The following LYST variants were observed in gnomAD, a reference collection of about 807,000 sequenced individuals.
The protein encoded by LYST is lysosomal trafficking regulator, also known as lysosomal-trafficking regulator.
In LYST, 192 loss-of-function variants were observed where a neutral mutation model predicts 413.6. The observed-to-expected ratio is 0.46, with a 90% CI of 0.41 to 0.52. The LOEUF is 0.52. LYST is among the 20% of genes least tolerant of loss of function. The pLI is 0.00. For synonymous variants in LYST, 1,525 were observed against 1,567.3 expected, an observed-to-expected ratio of 0.97 and a Z score of 0.64; for missense variants, 3,815 against 4,499.9, an observed-to-expected ratio of 0.85 and a Z score of 4.35.
chr1:235,716,871 T>C, intron 40 of LYST, 93 bp from the exon 41 acceptor site: 1 of 728,366 alleles, frequency 1.4e-6, no homozygotes, highest in South Asian at 1.6e-5. Context: ...AGGTAAGTGG[T>C]CAACAAAATG....
chr1:235,808,836 G>T lies in LYST; in HGVS notation c.1982C>A (p.Ala661Asp). The T allele has an allele frequency of 1.2e-6, 2 of 1,614,036 alleles. No individual in the cohort carries two copies. Among genetic ancestry groups the T allele is most frequent in the Non-Finnish European group, 1.7e-6 (2 of 1,180,006 alleles). The part of the protein sequence containing the change: ...EETLQGNLCD[A>D]ELSSSLSSPS... ...ACTGGATAAACTTGAGGAGAGTTCA[G>T]CATCACATAAGTTTCCCTGCAGTGT... is the stretch of plus-strand genomic sequence containing the variant. The change falls in exon 5 of 53, where the codon GCT (alanine) becomes GAT (aspartate). Residue 661 changes from alanine to aspartate, a missense_variant. Transcript: ENST00000389793.
chr1:235,811,295 A>G (rs1397202617), intron 4 of LYST, among the ~76,000 whole-genome samples: 7 of 152,356 alleles, frequency 4.6e-5, no homozygotes, highest in South Asian at 4.1e-4. Flanking sequence ...CTCTTCCCAT[A>G]GTACCACTAA....
chr1:235,737,309 T>C (rs975299526), intron 31 of LYST: 1 of 152,070 alleles, frequency 6.6e-6, no homozygotes, highest in Non-Finnish European at 1.5e-5. Flanking sequence ...AACCAAGATA[T>C]CAACATTAGT....
intron 1 of LYST, among the ~76,000 whole-genome samples, chr1:235,881,489 C>G (rs939191525): frequency 6.6e-6 from 1 of 152,032 alleles, no homozygotes; most frequent in Non-Finnish European, 1.5e-5. Flanking sequence ...TATCAAAGAG[C>G]GAAAGCAGGA....
At chr1:235,865,137 C>CA (rs1680358032) in intron 1 of LYST, among the ~76,000 whole-genome samples, 1 of 152,242 alleles carries the variant, frequency 6.6e-6, no homozygotes, top group African/African-American at 2.4e-5. Flanking sequence ...ACAAGCCCAG[C>CA]ACACAGGGCT....
Position 235,753,265 on chromosome 1 carries a change from C to A in LYST, c.7239G>T (p.Leu2413=), listed in dbSNP as rs948420503. 6.4e-7 allele frequency: 1 copy of A among 1,573,160 alleles called. No homozygotes were observed. Among genetic ancestry groups the A allele is most frequent in the Admixed American group, 1.7e-5 (1 of 59,934 alleles). The change falls in exon 26 of 53, where the codon CTG becomes CTT. Residue 2413 remains leucine, a synonymous_variant. Transcript: ENST00000389793. ...ACAATCCCATGTTTCTCACATCTTC[C>A]AGATCAAATCTATAATAAATAATAC... ...RHIGLDEEFD[L]EDVRNMGLFQ...
chr1:235,802,290 C>T (rs929997955), intron 8 of LYST, among the ~76,000 whole-genome samples: 8 of 150,780 alleles, frequency 5.3e-5, no homozygotes, highest in African/African-American at 2.0e-4. Flanking sequence ...TCTCTTGGCT[C>T]TAATCAACCC....
At chr1:235,807,239 C>T (rs1672946655) in intron 5 of LYST, among the ~76,000 whole-genome samples, 1 of 152,196 alleles carries the variant, frequency 6.6e-6, no homozygotes, top group Non-Finnish European at 1.5e-5. Flanking sequence ...GAAAGAATCA[C>T]ACTAGAGCTG....
chr1:235,726,605 G>A (rs1416639793), intron 38 of LYST, among the ~76,000 whole-genome samples: 1 of 151,956 alleles, frequency 6.6e-6, no homozygotes, highest in African/African-American at 2.4e-5. Context: ...AAAGTACATA[G>A]GAAAGAAGGA....
Position 235,757,401 on chromosome 1 carries a change from C to T in LYST, c.6939G>A (p.Gly2313=). The change falls in exon 24 of 53, where the codon GGG becomes GGA. Residue 2313 remains glycine, a synonymous_variant. Transcript: ENST00000389793. The part of the protein sequence containing the change: ...ICCGLYELLS[G]VLLILPDVLL... ...AAACATCAGGCAGGATAAGAAGAAC[C>T]CCACTTAGGAGTTCATATAATCCAC... The T allele has an allele frequency of 3.7e-6, 6 of 1,613,224 alleles. No individual in the cohort carries two copies. Among genetic ancestry groups the T allele is most frequent in the Non-Finnish European group, 3.4e-6 (4 of 1,179,508 alleles).
chr1:235,767,263 C>G (rs1231939383), intron 20 of LYST, among the ~76,000 whole-genome samples: 1 of 152,080 alleles, frequency 6.6e-6, no homozygotes, highest in Non-Finnish European at 1.5e-5. Flanking sequence ...ATCTCTACAT[C>G]CACTCTTCAT....
At chr1:235,803,245 G>T (rs12754276) in intron 7 of LYST, among the ~76,000 whole-genome samples, 181 bp from the exon 8 acceptor site, 76 of 152,066 alleles carry the variant, frequency 5.0e-4, no homozygotes, top group Non-Finnish European at 1.0e-3. Context: ...GATCCTTTCA[G>T]ACAACTTAAT....
chr1:235,737,959 G>GATTAAAAAA, intron 31 of LYST: 2 of 1,300,244 alleles, frequency 1.5e-6, no homozygotes, highest in South Asian at 2.3e-5. Flanking sequence ...CGCCGGACGT[G>GATTAAAAAA]CATTCTCGAT....
intron 50 of LYST, among the ~76,000 whole-genome samples, chr1:235,666,225 TACACACACACACACACACACAC>T (rs66890524): frequency 3.2e-4 from 43 of 136,012 alleles, no homozygotes; most frequent in African/African-American, 9.4e-4. Flanking sequence ...AGTATGTACA[TACACACACACACACACACACAC>T]ACACACACAC....
At chr1:235,708,047 C>T (rs986919528) in intron 44 of LYST, among the ~76,000 whole-genome samples, 4 of 152,098 alleles carry the variant, frequency 2.6e-5, no homozygotes, top group Non-Finnish European at 5.9e-5. Flanking sequence ...TAAGAATGCT[C>T]TACCTATAGT....
chr1:235,739,850 G>A (rs1163276613), intron 31 of LYST, among the ~76,000 whole-genome samples: 2 of 152,198 alleles, frequency 1.3e-5, no homozygotes, highest in Non-Finnish European at 2.9e-5. Flanking sequence ...CCTTGGTGAC[G>A]AAATGGATTG....
chr1:235,731,505 T>C (rs1261185181), intron 34 of LYST, among the ~76,000 whole-genome samples: 1 of 152,006 alleles, frequency 6.6e-6, no homozygotes, highest in Non-Finnish European at 1.5e-5. Flanking sequence ...GGATTTAATA[T>C]GGTTAGGTAA....
rs546153288 is a variant in LYST, at chr1:235,728,334, T to C, written c.9107-203A>G. On this transcript the variant is annotated intron_variant, in intron 37 of 52. Transcript: ENST00000389793. ...TTACCTCTTTGTGTCTTAATTTCTT[T>C]ATTAAAAAAAAAGGTTGCAGGGAGC... is the stretch of plus-strand genomic sequence containing the variant. 2.6e-5 allele frequency among the ~76,000 whole-genome samples: 4 copies of C among 152,134 alleles called. No individual in the cohort carries two copies. In the East Asian group the frequency reaches 7.7e-4, roughly 29 times the overall value.
At chr1:235,782,179 T>G (rs1425854157) in intron 14 of LYST, 92 bp from the exon 15 acceptor site, 8 of 1,126,486 alleles carry the variant, frequency 7.1e-6, no homozygotes, top group Non-Finnish European at 1.0e-5. Context: ...AATGGGGAAT[T>G]CTTTTTTTTT....
Sources: gnomAD v4.1 joint callset for allele counts (sites outside exome capture counted in the v4.1 genomes callset) on GRCh38, gnomAD v4.1.1 for gene constraint, MANE v1.5 for transcripts, NCBI Gene and HGNC (gene_info 2026-07-23, HGNC 2026-07-21) for gene names.